ZNF276: variants seen among roughly 807,000 people sequenced by gnomAD.
ZNF276 encodes the protein zinc finger protein 276.
ZNF276 carries 59 observed loss-of-function variants against 63.9 expected under a neutral mutation model. That is an observed-to-expected ratio of 0.92 (90% CI 0.75 to 1.15). The LOEUF (loss-of-function observed/expected upper bound fraction) is 1.15, where lower values mean the gene tolerates loss of function less well. Among genes scored for constraint, ZNF276 ranks in the 50% most tolerant of loss-of-function variants. ZNF276 has a pLI of 0.00. For missense variants in ZNF276, 1,084 were observed against 843.8 expected (o/e 1.28, Z -3.53); for synonymous variants, 496 against 348.4 (o/e 1.42, Z -4.72).
rs9282681 is a variant in ZNF276, at chr16:89,739,506, T to C, written c.*1260T>C. 0.078 allele frequency: 120,522 copies of C among 1,551,258 alleles called. 5,562 individuals carry two copies. Among genetic ancestry groups the C allele is most frequent in the East Asian group, 0.16 (6,616 of 40,936 alleles). ...TAAAAAGCGAAAGGCAGCAGCCTGGTGTGCTGATCCGGGGCCACACGGAGG... is the reference window on the plus strand; with the variant it reads ...TAAAAAGCGAAAGGCAGCAGCCTGGCGTGCTGATCCGGGGCCACACGGAGG... On this transcript the variant is annotated 3_prime_UTR_variant, in exon 11 of 11. Coordinates refer to ENST00000443381, the MANE Select transcript of ZNF276 (RefSeq NM_001113525.2).
Position 89,727,311 on chromosome 16 carries a change from A to C in ZNF276, c.1039A>C (p.Thr347Pro), listed in dbSNP as rs2061498590. 1 of 1,614,036 alleles carries C rather than the reference A, an allele frequency of 6.2e-7. No homozygotes were observed. Among genetic ancestry groups the C allele is most frequent in the Non-Finnish European group, 8.5e-7 (1 of 1,180,004 alleles). Residue 347 changes from threonine (T) to proline (P), a missense_variant, in exon 5 of 11, where the codon ACC (threonine) becomes CCC (proline). Thr to Pro is a conservative substitution (Grantham distance 38). Transcript: ENST00000443381. ...GGGTGAGAAGCAGCTTCCATCTTCA[A>C]CCTCGGATGATCGGGTAAAAGACGA... ...QLGEKQLPSS[T>P]SDDRVKDEFS...
Position 89,733,298 on chromosome 16 carries a change from T to G in ZNF276, c.1170-4T>G. 1 of 1,610,394 alleles carries G rather than the reference T, an allele frequency of 6.2e-7. No homozygotes were observed. Among genetic ancestry groups the G allele is most frequent in the Non-Finnish European group, 8.5e-7 (1 of 1,178,966 alleles). On this transcript the variant is annotated splice_region_variant and splice_polypyrimidine_tract_variant and intron_variant, in intron 6 of 10. Transcript: ENST00000443381. ...CATTGAATTTGGGAACCTCTTTTTT[T>G]CAGAGTCTCTGGTAAGAAGAGTGAA...
intron 8 of ZNF276, 112 bp downstream of exon 8, chr16:89,733,669 C>A: frequency 7.8e-7 from 1 of 1,280,552 alleles, no homozygotes; most frequent in Non-Finnish European, 1.1e-6. Context: ...ACACTTTGAC[C>A]TAGGTTAACC....
At chr16:89,722,269 T>C (rs1431333549) in intron 1 of ZNF276, among the ~76,000 whole-genome samples, 1 of 152,080 alleles carries the variant, frequency 6.6e-6, no homozygotes, top group Non-Finnish European at 1.5e-5. Context: ...GGGAGGAGGG[T>C]GCAGTTCCAG....
rs776077648 is a variant in ZNF276, at chr16:89,740,108, C to T, written c.*1862C>T. On this transcript the variant is annotated 3_prime_UTR_variant, in exon 11 of 11. Coordinates refer to ENST00000443381, the MANE Select transcript of ZNF276 (RefSeq NM_001113525.2). ...GGCAGGTCTGTGGTGCTCTGTAAAC[C>T]GCAGGAGACCAACCCTGAGAATGGC... 82 of 1,612,690 alleles carry T rather than the reference C, an allele frequency of 5.1e-5. No homozygotes were observed. The highest frequency in any genetic ancestry group is 1.3e-5 in the Non-Finnish European group (15 of 1,179,020).
In ZNF276 at chr16:89,740,221, G is replaced by C; in HGVS notation, c.*1975G>C. The C allele has an allele frequency of 2.3e-6, 2 of 863,550 alleles. No homozygotes were observed. Among genetic ancestry groups the C allele is most frequent in the East Asian group, 2.4e-5 (1 of 41,292 alleles). The allele number at this position is 863,550 out of a possible 1,614,324, so 53.5% of individuals were successfully genotyped here. On this transcript the variant is annotated 3_prime_UTR_variant, in exon 11 of 11. Coordinates refer to ENST00000443381, the MANE Select transcript of ZNF276 (RefSeq NM_001113525.2). ...TTGCTTATTGTAAGTCTTAAAACTG[G>C]TGACAGTTTTACCTATAGAAGGTAA...
chr16:89,733,097 C>G, intron 6 of ZNF276: 3 of 598,086 alleles, frequency 5.0e-6, no homozygotes, highest in East Asian at 5.8e-5. Flanking sequence ...TGTCCTGCGC[C>G]CTTGCCCTCT....
At chr16:89,722,433 GGGCGCTGCA>G in intron 1 of ZNF276, 89 bp from the exon 2 acceptor site, 1 of 1,392,328 alleles carries the variant, frequency 7.2e-7, no homozygotes, top group Non-Finnish European at 9.7e-7. Context: ...GCCGCGCGAA[GGGCGCTGCA>G]GGCGCTGCCC....
In ZNF276 at chr16:89,734,035, A is replaced by G; in HGVS notation, c.1471A>G (p.Thr491Ala). The part of the protein sequence containing the change: ...YLQRHVKLIH[T>A]EVRNYICDEC... ...GCAGCGCCACGTGAAGCTCATCCAC[A>G]CAGGTACGCCTATCGCCAGTGTCGC... Residue 491 changes from threonine to alanine, a missense_variant, in exon 9 of 11, where the codon ACA becomes GCA. Transcript: ENST00000443381. 6.2e-7 allele frequency: 1 copy of G among 1,613,904 alleles called. No homozygotes were observed. The highest frequency in any genetic ancestry group is 8.5e-7 in the Non-Finnish European group (1 of 1,179,942).
At position 89,729,336 on chromosome 16, in the gene ZNF276, G is replaced by A. The variant is rs1404452965; in HGVS notation, c.1169+18G>A. On this transcript the variant is annotated intron_variant, in intron 6 of 10. Transcript: ENST00000443381. ...GAAAGGAAGTAAGTGGGCAGCCCGG[G>A]GTCTGCTGGAGGCATCCGTTGGGCG... The A allele has an allele frequency of 2.5e-6, 4 of 1,613,300 alleles. No individual in the cohort carries two copies. The African/African-American group carries it at 4.0e-5, about 16-fold the overall frequency.
intron 9 of ZNF276, among the ~76,000 whole-genome samples, chr16:89,734,611 C>T (rs1325268772): frequency 2.0e-5 from 3 of 151,794 alleles, no homozygotes; most frequent in African/African-American, 7.3e-5. Flanking sequence ...GAGCACTGCA[C>T]CTGGCCCAAA....
intron 5 of ZNF276, 105 bp from the exon 6 acceptor site, chr16:89,729,130 A>T: frequency 1.1e-6 from 1 of 893,892 alleles, no homozygotes; most frequent in Non-Finnish European, 1.8e-6. Flanking sequence ...AAGAACTCAA[A>T]TGTGGGACAT....
At chr16:89,724,932 TTATC>T (rs559868789) in intron 4 of ZNF276, among the ~76,000 whole-genome samples, 5 of 152,356 alleles carry the variant, frequency 3.3e-5, no homozygotes, top group Middle Eastern at 3.4e-3. Context: ...ATTTACCTAC[TTATC>T]TATCTATCTA....
chr16:89,720,932 C>T (rs117990130), upstream of ZNF276: 182,201 of 1,235,236 alleles, frequency 0.15, 14,692 homozygotes, highest in Middle Eastern at 0.28. Context: ...GGAACGCAGC[C>T]GGCGCTGGTG....
In ZNF276 at chr16:89,738,202, T is replaced by C; in HGVS notation, c.1801T>C (p.Ser601Pro). The stretch of plus-strand genomic sequence containing the variant: ...ACCACCACCTGGGCCACCGAGCCCC[T>C]CTGTGACCACAGAGGGCCAGGCGGT... ...AEPPPGPPSP[S>P]VTTEGQAVKP... Residue 601 changes from serine to proline, a missense_variant, in exon 11 of 11, where the codon TCT (serine) becomes CCT (proline). Coordinates refer to ENST00000443381, the MANE Select transcript of ZNF276 (RefSeq NM_001113525.2). 2 of 1,611,208 alleles carry C rather than the reference T, an allele frequency of 1.2e-6. No homozygotes were observed. The highest frequency in any genetic ancestry group is 1.7e-6 in the Non-Finnish European group (2 of 1,179,150).
chr16:89,722,303 C>T (rs907660892), intron 1 of ZNF276, among the ~76,000 whole-genome samples: 1 of 152,216 alleles, frequency 6.6e-6, no homozygotes, highest in Admixed American at 6.5e-5. Context: ...AGTTGCTTCG[C>T]TGGAGAGGCC....
chr16:89,727,274 C>G lies in ZNF276; in HGVS notation c.1007-5C>G, dbSNP rs372294258. On this transcript the variant is annotated splice_region_variant and splice_polypyrimidine_tract_variant and intron_variant, in intron 4 of 10. Transcript: ENST00000443381. ...GTAACAGGAGCCTTGTTCTTTGTTT[C>G]TCAGGGCAGTTGGGTGAGAAGCAGC... 4 of 1,613,962 alleles carry G rather than the reference C, an allele frequency of 2.5e-6. No homozygotes were observed. Among genetic ancestry groups the G allele is most frequent in the Non-Finnish European group, 3.4e-6 (4 of 1,179,994 alleles).
chr16:89,733,272 C>T (rs1219075258), intron 6 of ZNF276, 30 bp from the exon 7 acceptor site: 6 of 1,592,258 alleles, frequency 3.8e-6, no homozygotes, highest in Non-Finnish European at 5.2e-6. Flanking sequence ...AGATCAGAAA[C>T]CATTGAATTT....
At position 89,722,519 on chromosome 16, in the gene ZNF276, C is replaced by T. The variant is rs776408908; in HGVS notation, c.206-12C>T. 1.3e-6 allele frequency: 2 copies of T among 1,598,760 alleles called. No homozygotes were observed. The highest frequency in any genetic ancestry group is 2.2e-5 in the East Asian group (1 of 44,624). On this transcript the variant is annotated splice_polypyrimidine_tract_variant and intron_variant, in intron 1 of 10. Coordinates refer to ENST00000443381, the MANE Select transcript of ZNF276 (RefSeq NM_001113525.2). ...TTTGCCAGCTGCTAACACTTCCTGC[C>T]GCTCTGTGCAGGAGCAGGCCGGGCT... is the stretch of plus-strand genomic sequence containing the variant.
Sources: gnomAD v4.1 joint callset for allele counts (sites outside exome capture counted in the v4.1 genomes callset) on GRCh38, gnomAD v4.1.1 for gene constraint, MANE v1.5 for transcripts, NCBI Gene and HGNC (gene_info 2026-07-23, HGNC 2026-07-21) for gene names.